The following DNAJB11 variants were observed in gnomAD, a reference collection of about 807,000 sequenced individuals.
DNAJB11 encodes dnaJ homolog subfamily B member 11.
DNAJB11 carries 30 observed loss-of-function variants against 47.2 expected under a neutral mutation model. The observed-to-expected ratio is 0.64, with a 90% CI of 0.48 to 0.86. The LOEUF is 0.86. Among genes scored for constraint, DNAJB11 ranks in the 40% least tolerant of loss-of-function variants. The pLI, the probability that DNAJB11 is intolerant of heterozygous loss-of-function variation, is 0.00. For missense variants in DNAJB11, 357 were observed against 440.2 expected, an observed-to-expected ratio of 0.81 and a Z score of 1.69; for synonymous variants, 151 against 159.9, an observed-to-expected ratio of 0.94 and a Z score of 0.42.
rs1199788120 is a variant in DNAJB11 at position 186,585,401 on chromosome 3, G to C, written c.1070G>C (p.Gly357Ala). ...SVQKVYNGLQGY is the reference protein window; with the variant it reads ...SVQKVYNGLQAY Reference sequence around the variant, plus strand: ...CAGAAGGTATACAATGGACTGCAAGGATATTGAGAGTGAATAAAATTGGAC... The same window carrying C: ...CAGAAGGTATACAATGGACTGCAAGCATATTGAGAGTGAATAAAATTGGAC... The change falls in exon 10 of 10, where the codon GGA becomes GCA. Residue 357 changes from glycine (G) to alanine (A), a missense_variant. Gly to Ala is a moderately conservative substitution (Grantham distance 60). Transcript: ENST00000265028. 6.2e-7 allele frequency: 1 copy of C among 1,605,768 alleles called. No individual in the cohort carries two copies. The highest frequency in any genetic ancestry group is 8.5e-7 in the Non-Finnish European group (1 of 1,175,880).
intron 5 of DNAJB11, 58 bp downstream of exon 5, chr3:186,581,571 A>G: frequency 1.3e-6 from 2 of 1,579,746 alleles, no homozygotes; most frequent in Non-Finnish European, 1.7e-6. Flanking sequence ...TCGTTCATCT[A>G]GTCAAACACT....
Position 186,570,875 on chromosome 3 carries a change from A to G in DNAJB11, c.-23A>G. The G allele has an allele frequency of 6.3e-7, 1 of 1,598,650 alleles. No individual in the cohort carries two copies. Among genetic ancestry groups the G allele is most frequent in the Non-Finnish European group, 8.5e-7 (1 of 1,172,482 alleles). On this transcript the variant is annotated 5_prime_UTR_variant, in exon 1 of 10. Transcript: ENST00000265028. ...GAGGAGGCTGTGAGGAGTGTGTGGA[A>G]CAGGACCCGGGACAGAGGAACCATG...
chr3:186,575,986 C>T, intron 3 of DNAJB11, 49 bp downstream of exon 3: 1 of 1,331,162 alleles, frequency 7.5e-7, no homozygotes, highest in Non-Finnish European at 1.1e-6. Context: ...GAGAGGGTCA[C>T]TTAGCGATTA....
intron 3 of DNAJB11, among the ~76,000 whole-genome samples, chr3:186,576,274 G>A (rs1472954380): frequency 6.6e-6 from 1 of 152,170 alleles, no homozygotes; most frequent in Non-Finnish European, 1.5e-5. Flanking sequence ...ATTATTGTTA[G>A]CAGAGATAGA....
At position 186,583,868 on chromosome 3, in the gene DNAJB11, C is replaced by G. The variant is rs1413705465; in HGVS notation, c.744C>G (p.His248Gln). ...DLRFRIKVVK[H>Q]PIFERRGDDL... ...TTTTACCTTATTCTGTTTTTAGGCACCCAATATTTGAAAGGAGAGGAGATG... is the reference window on the plus strand; with the variant it reads ...TTTTACCTTATTCTGTTTTTAGGCAGCCAATATTTGAAAGGAGAGGAGATG... Residue 248 changes from histidine to glutamine, a missense_variant, in exon 8 of 10, where the codon CAC becomes CAG. Coordinates refer to ENST00000265028, the MANE Select transcript of DNAJB11 (RefSeq NM_016306.6). 6.2e-7 allele frequency: 1 copy of G among 1,609,560 alleles called. No individual in the cohort carries two copies. Among genetic ancestry groups the G allele is most frequent in the South Asian group, 1.1e-5 (1 of 90,924 alleles).
chr3:186,579,182 T>C (rs1018127807), intron 4 of DNAJB11: 6 of 152,276 alleles, frequency 3.9e-5, no homozygotes, highest in Admixed American at 2.6e-4. Context: ...GTTATTCATC[T>C]TTTTTAAATT....
intron 2 of DNAJB11, among the ~76,000 whole-genome samples, chr3:186,572,750 T>C (rs1171891919): frequency 6.6e-6 from 1 of 152,224 alleles, no homozygotes; most frequent in Non-Finnish European, 1.5e-5. Context: ...GCCTCCATAT[T>C]GGGAAGCAAT....
At chr3:186,571,116 G>A (rs1715035140) in intron 1 of DNAJB11, 151 bp downstream of exon 1, 1 of 687,960 alleles carries the variant, frequency 1.5e-6, no homozygotes, top group East Asian at 2.8e-5. Flanking sequence ...GGGTAGTATG[G>A]GCCAGGCTAG....
At chr3:186,571,184 G>T (rs1267934412) in intron 1 of DNAJB11, among the ~76,000 whole-genome samples, 3 of 152,166 alleles carry the variant, frequency 2.0e-5, no homozygotes, top group African/African-American at 7.2e-5. Flanking sequence ...TCCAGAGAGG[G>T]TCTTAGGTAG....
chr3:186,579,380 C>CT (rs1229819635), intron 4 of DNAJB11: 1 of 152,194 alleles, frequency 6.6e-6, no homozygotes, highest in African/African-American at 2.4e-5. Flanking sequence ...AATAACCCAT[C>CT]TGCTGTGTTT....
At chr3:186,573,228 A>T (rs1715146604) in intron 2 of DNAJB11, among the ~76,000 whole-genome samples, 1 of 152,206 alleles carries the variant, frequency 6.6e-6, no homozygotes, top group South Asian at 2.1e-4. Flanking sequence ...ATTGAAAAAT[A>T]TTTTAGGAAG....
Position 186,583,896 on chromosome 3 carries a change from T to G in DNAJB11, c.772T>G (p.Leu258Val). ...HPIFERRGDD[L>V]YTNVTISLVE... The stretch of plus-strand genomic sequence containing the variant: ...AATATTTGAAAGGAGAGGAGATGAT[T>G]TGTACACAAATGTGACAATCTCATT... Residue 258 changes from leucine to valine, a missense_variant, in exon 8 of 10, where the codon TTG becomes GTG. Transcript: ENST00000265028. 1 of 1,612,330 alleles carries G rather than the reference T, an allele frequency of 6.2e-7. No homozygotes were observed. The highest frequency in any genetic ancestry group is 8.5e-7 in the Non-Finnish European group (1 of 1,178,418).
Position 186,585,448 on chromosome 3 carries a change from A to G in DNAJB11, c.*40A>G. The stretch of plus-strand genomic sequence containing the variant: ...GGACTTTGTTTAAAATAAGTGAATA[A>G]GCGATATTTATTATCTGCAAGGTTT... On this transcript the variant is annotated 3_prime_UTR_variant, in exon 10 of 10. Coordinates refer to ENST00000265028, the MANE Select transcript of DNAJB11 (RefSeq NM_016306.6). The G allele has an allele frequency of 6.8e-7, 1 of 1,479,504 alleles. No individual in the cohort carries two copies. The highest frequency in any genetic ancestry group is 9.3e-7 in the Non-Finnish European group (1 of 1,075,418). The allele number at this position is 1,479,504 out of a possible 1,614,324, so 91.6% of individuals were successfully genotyped here.
intron 3 of DNAJB11, 112 bp downstream of exon 3, chr3:186,576,049 A>T (rs1715280728): frequency 1.4e-6 from 1 of 694,848 alleles, no homozygotes; most frequent in Non-Finnish European, 2.4e-6. Flanking sequence ...AGTACAATTT[A>T]GCTGATCCAA....
In DNAJB11 at chr3:186,577,877, T is replaced by C. The variant is rs1560236048; in HGVS notation, c.456+77T>C. The C allele has an allele frequency of 3.2e-6, 4 of 1,252,278 alleles. No individual in the cohort carries two copies. The East Asian group carries it at 1.0e-4, about 32-fold the overall frequency. The allele number at this position is 1,252,278 out of a possible 1,614,324, so 77.6% of individuals were successfully genotyped here. On this transcript the variant is annotated intron_variant, in intron 4 of 9. Transcript: ENST00000265028. ...TGACTAAAAATAAGAGGTTTATATGTACCTTCTCTGTCTTTTTGAGGGTAA... is the reference window on the plus strand; with the variant it reads ...TGACTAAAAATAAGAGGTTTATATGCACCTTCTCTGTCTTTTTGAGGGTAA...
intron 2 of DNAJB11, 55 bp downstream of exon 2, chr3:186,572,306 A>G (rs1715096620): frequency 1.3e-6 from 2 of 1,490,602 alleles, no homozygotes; most frequent in South Asian, 1.2e-5. Context: ...TAGAAAAAAC[A>G]TACAATACAG....
chr3:186,573,493 C>T (rs1042053741), intron 2 of DNAJB11, among the ~76,000 whole-genome samples: 4 of 152,120 alleles, frequency 2.6e-5, no homozygotes, highest in African/African-American at 4.8e-5. Flanking sequence ...TTACGCCATT[C>T]TCCTGCCTCA....
chr3:186,575,360 C>CGCGT (rs1553850134), intron 2 of DNAJB11, among the ~76,000 whole-genome samples: 27 of 79,658 alleles, frequency 3.4e-4, no homozygotes, highest in African/African-American at 1.0e-3. Flanking sequence ...TACATGCGCG[C>CGCGT]GCGCGCGCGT....
At chr3:186,581,612 C>T in intron 5 of DNAJB11, 99 bp downstream of exon 5, 1 of 1,337,846 alleles carries the variant, frequency 7.5e-7, no homozygotes, top group East Asian at 2.4e-5. Flanking sequence ...TCTCTGTCCC[C>T]TCCCCACTGC....
Sources: gnomAD v4.1 joint callset for allele counts (sites outside exome capture counted in the v4.1 genomes callset) on GRCh38, gnomAD v4.1.1 for gene constraint, MANE v1.5 for transcripts, NCBI Gene and HGNC (gene_info 2026-07-23, HGNC 2026-07-21) for gene names.